Variants in TLE4 observed in about 807,000 individuals in gnomAD.
TLE4 encodes the protein TLE family member 4, transcriptional corepressor.
In TLE4, 8 loss-of-function variants were observed where a neutral mutation model predicts 92.8. The ratio of observed to expected loss-of-function variants is 0.09; its 90% CI spans 0.05 to 0.16. The LOEUF (loss-of-function observed/expected upper bound fraction) is 0.16, where lower values mean the gene tolerates loss of function less well. TLE4 is among the 10% of genes least tolerant of loss of function. The pLI is 1.00. For synonymous variants in TLE4, 371 were observed against 374.1 expected (o/e 0.99, Z 0.10); for missense variants, 675 against 997.6 (o/e 0.68, Z 4.36).
chr9:79,650,694 A>T (rs1289290773), intron 6 of TLE4, among the ~76,000 whole-genome samples: 1 of 152,132 alleles, frequency 6.6e-6, no homozygotes, highest in Non-Finnish European at 1.5e-5. Flanking sequence ...CAGTTAAGAA[A>T]ACCTTCAGCA....
At chr9:79,697,991 G>A (rs2068727451) in intron 8 of TLE4, among the ~76,000 whole-genome samples, 1 of 152,122 alleles carries the variant, frequency 6.6e-6, no homozygotes, top group Non-Finnish European at 1.5e-5. Flanking sequence ...GAGTCCATAA[G>A]CAGACAAAAA....
intron 8 of TLE4, among the ~76,000 whole-genome samples, chr9:79,666,163 C>CTGTGTGTGTGTG (rs34558090): frequency 1.6e-5 from 2 of 126,472 alleles, no homozygotes; most frequent in African/African-American, 6.0e-5. Flanking sequence ...TTTCCTTCAT[C>CTGTGTGTGTGTG]TGTGTGTGTG....
intron 9 of TLE4, 82 bp downstream of exon 9, chr9:79,704,984 C>T: frequency 6.4e-7 from 1 of 1,569,494 alleles, no homozygotes; most frequent in Non-Finnish European, 8.7e-7. Context: ...TATTACCAGC[C>T]AACACAGGAA....
At chr9:79,617,373 C>T (rs2049892668) in intron 5 of TLE4, among the ~76,000 whole-genome samples, 1 of 151,928 alleles carries the variant, frequency 6.6e-6, no homozygotes, top group Admixed American at 6.6e-5. Context: ...CTCTTGTTTC[C>T]CTATAAGGAT....
At chr9:79,678,241 C>T (rs1212194251) in intron 8 of TLE4, among the ~76,000 whole-genome samples, 4 of 152,050 alleles carry the variant, frequency 2.6e-5, no homozygotes, top group South Asian at 4.1e-4. Context: ...TAGTACCATT[C>T]TTTTGTCATA....
chr9:79,621,512 C>T (rs918770835), intron 5 of TLE4, among the ~76,000 whole-genome samples: 3 of 152,138 alleles, frequency 2.0e-5, no homozygotes, highest in African/African-American at 7.2e-5. Context: ...AGTATTAGGG[C>T]TCATTATCCC....
At chr9:79,604,596 A>G (rs535306342) in intron 4 of TLE4, among the ~76,000 whole-genome samples, 6 of 152,248 alleles carry the variant, frequency 3.9e-5, no homozygotes, top group South Asian at 4.1e-4. Context: ...GAAATGCAGG[A>G]TAGATGGAGA....
intron 6 of TLE4, among the ~76,000 whole-genome samples, chr9:79,640,858 G>T (rs1350527894): frequency 3.3e-5 from 5 of 151,890 alleles, no homozygotes; most frequent in African/African-American, 1.2e-4. Flanking sequence ...CTTTATAAAG[G>T]CCAGTTTAAG....
In TLE4 at chr9:79,586,337, T is replaced by G. The variant is rs575272045; in HGVS notation, c.252+10160T>G. 1.2e-4 allele frequency among the ~76,000 whole-genome samples: 18 copies of G among 151,194 alleles called. No individual in the cohort carries two copies. In the East Asian group the frequency reaches 3.3e-3, roughly 28 times the overall value. ...AAGATCGCGCCACTGCACTCCAGCC[T>G]GACGTCAGAGCAAGACTCTGTCACA... On this transcript the variant is annotated intron_variant, in intron 4 of 19. Coordinates refer to ENST00000376552, the MANE Select transcript of TLE4 (RefSeq NM_007005.6).
intron 8 of TLE4, among the ~76,000 whole-genome samples, chr9:79,685,072 G>A (rs72734325): frequency 0.015 from 2,247 of 152,214 alleles, 16 homozygotes; most frequent in Non-Finnish European, 0.022. Flanking sequence ...CACTAGAACC[G>A]TGGCAGCCTT....
intron 8 of TLE4, among the ~76,000 whole-genome samples, chr9:79,695,349 TCTCACACACACA>T (rs1267926856): frequency 7.3e-5 from 3 of 41,132 alleles, no homozygotes; most frequent in South Asian, 1.7e-3. Context: ...CAAATGCATA[TCTCACACACACA>T]CACACACACA....
intron 8 of TLE4, among the ~76,000 whole-genome samples, chr9:79,675,922 T>C (rs2063177843): frequency 6.6e-6 from 1 of 152,138 alleles, no homozygotes; most frequent in Non-Finnish European, 1.5e-5. Flanking sequence ...AAATCTGAAA[T>C]TTTAAATGCG....
rs554017784 is a variant in TLE4, at chr9:79,665,401, G to C, written c.609+11326G>C. On this transcript the variant is annotated intron_variant, in intron 8 of 19. Coordinates refer to ENST00000376552, the MANE Select transcript of TLE4 (RefSeq NM_007005.6). Reference sequence around the variant, plus strand: ...TGTTCCTGTTAAAATATGGAATTGCGATATGCTGCCTTCTGAGTAGAATAA... The same window carrying C: ...TGTTCCTGTTAAAATATGGAATTGCCATATGCTGCCTTCTGAGTAGAATAA... Among the ~76,000 whole-genome samples, 8 of 152,262 alleles carry C rather than the reference G, an allele frequency of 5.3e-5. No individual in the cohort carries two copies. The South Asian group carries it at 1.7e-3, about 32-fold the overall frequency.
intron 14 of TLE4, among the ~76,000 whole-genome samples, chr9:79,714,588 A>G (rs1336160331): frequency 6.6e-6 from 1 of 152,110 alleles, no homozygotes; most frequent in Non-Finnish European, 1.5e-5. Context: ...CTCTATTACC[A>G]TGTCTGTCTC....
At chr9:79,654,362 C>T (rs181964728) in intron 8 of TLE4, among the ~76,000 whole-genome samples, 3 of 149,622 alleles carry the variant, frequency 2.0e-5, no homozygotes, top group Non-Finnish European at 3.0e-5. Flanking sequence ...AACTGCTTTT[C>T]TTCACTTAGG....
chr9:79,618,686 G>A lies in TLE4; in HGVS notation c.315+5968G>A, dbSNP rs183608425. Among the ~76,000 whole-genome samples the A allele has an allele frequency of 2.8e-3, 423 of 152,122 alleles. 3 individuals are homozygous for A. Among genetic ancestry groups the A allele is most frequent in the South Asian group, 4.0e-3 (19 of 4,808 alleles). ...GGTGGTGGTGGTTGTTTTTTGAGTC[G>A]AAACAGAAGCCGAGCTGCTCAGAGG... On this transcript the variant is annotated intron_variant, in intron 5 of 19. Coordinates refer to ENST00000376552, the MANE Select transcript of TLE4 (RefSeq NM_007005.6).
chr9:79,633,634 G>A (rs2054910467), intron 6 of TLE4, among the ~76,000 whole-genome samples: 1 of 152,146 alleles, frequency 6.6e-6, no homozygotes, highest in Admixed American at 6.5e-5. Flanking sequence ...GGCTAAAACA[G>A]AGAATAAGGC....
intron 4 of TLE4, among the ~76,000 whole-genome samples, chr9:79,577,524 T>C (rs559905731): frequency 7.5e-4 from 114 of 152,202 alleles, no homozygotes; most frequent in Non-Finnish European, 2.4e-4. Context: ...ATTAGTAATG[T>C]AAATATCTTC....
intron 6 of TLE4, among the ~76,000 whole-genome samples, chr9:79,644,575 T>C (rs2057777566): frequency 6.6e-6 from 1 of 152,220 alleles, no homozygotes; most frequent in Non-Finnish European, 1.5e-5. Context: ...CACTTCATTG[T>C]GATGCTTCCC....
Sources: allele counts gnomAD v4.1 joint callset (sites outside exome capture counted in the v4.1 genomes callset), GRCh38; gene constraint gnomAD v4.1.1; transcripts MANE v1.5; gene names NCBI Gene and HGNC (gene_info 2026-07-23, HGNC 2026-07-21).